The following PTN variants were observed in gnomAD, a reference collection of about 807,000 sequenced individuals.
PTN encodes the protein heparin affin regulatory protein.
PTN carries 18 observed loss-of-function variants against 24.1 expected under a neutral mutation model. The ratio of observed to expected loss-of-function variants is 0.75; its 90% confidence interval spans 0.52 to 1.11. The LOEUF is 1.11. PTN is among the 50% of genes least tolerant of loss of function. The pLI, the probability that PTN is intolerant of heterozygous loss-of-function variation, is 0.00. For missense variants in PTN, 163 were observed against 198.8 expected (o/e 0.82, Z 1.08); for synonymous variants, 78 against 68.6 (o/e 1.14, Z -0.67).
At chr7:137,263,016 C>T (rs1427156026) in intron 1 of PTN, among the ~76,000 whole-genome samples, 3 of 152,144 alleles carry the variant, frequency 2.0e-5, no homozygotes, top group South Asian at 2.1e-4. Context: ...CTTCGAGACT[C>T]TCACTTTTTA....
chr7:137,234,315 C>A (rs1287678844), intron 4 of PTN, among the ~76,000 whole-genome samples: 1 of 151,892 alleles, frequency 6.6e-6, no homozygotes, highest in Non-Finnish European at 1.5e-5. Flanking sequence ...TCATCGAATG[C>A]TTAAATTTTG....
At chr7:137,293,286 A>G (rs371506009) in intron 1 of PTN, among the ~76,000 whole-genome samples, 6 of 152,240 alleles carry the variant, frequency 3.9e-5, no homozygotes, top group Admixed American at 3.3e-4. Context: ...ACTACCTCCT[A>G]CTTCCTGACT....
At chr7:137,244,789 T>C (rs1808694858) in intron 4 of PTN, among the ~76,000 whole-genome samples, 1 of 152,098 alleles carries the variant, frequency 6.6e-6, no homozygotes, top group African/African-American at 2.4e-5. Flanking sequence ...TGTTCAACAT[T>C]GACATAGCAA....
chr7:137,244,079 A>G (rs1409894880), intron 4 of PTN, among the ~76,000 whole-genome samples: 2 of 152,154 alleles, frequency 1.3e-5, no homozygotes, highest in African/African-American at 4.8e-5. Flanking sequence ...AACTAATTTA[A>G]TTAATCTATA....
chr7:137,303,237 A>C (rs945159646), intron 1 of PTN, among the ~76,000 whole-genome samples: 7 of 151,980 alleles, frequency 4.6e-5, no homozygotes, highest in Non-Finnish European at 4.4e-5. Flanking sequence ...AGACCCAGCA[A>C]GAAAAAATTT....
chr7:137,331,716 AG>A, intron 1 of PTN, among the ~76,000 whole-genome samples: 1 of 152,318 alleles, frequency 6.6e-6, no homozygotes, highest in South Asian at 2.1e-4. Flanking sequence ...GGCTCTTGAG[AG>A]GAGCTAAGGG....
intron 1 of PTN, among the ~76,000 whole-genome samples, chr7:137,317,636 TTTTC>T (rs1170540903): frequency 3.9e-5 from 6 of 152,234 alleles, no homozygotes; most frequent in Admixed American, 1.3e-4. Flanking sequence ...CGTGTGTTTA[TTTTC>T]TTTCTGTCTC....
chr7:137,236,345 C>A, intron 4 of PTN: 1 of 689,992 alleles, frequency 1.4e-6, no homozygotes, highest in South Asian at 1.5e-5. Context: ...GGGAATCAGC[C>A]ACACATGAGC....
intron 1 of PTN, among the ~76,000 whole-genome samples, chr7:137,303,905 A>T (rs990730477): frequency 6.6e-6 from 1 of 152,038 alleles, no homozygotes; most frequent in African/African-American, 2.4e-5. Flanking sequence ...AATAAATTGC[A>T]TATGTTGCAT....
chr7:137,311,432 T>G (rs970680695), intron 1 of PTN, among the ~76,000 whole-genome samples: 1 of 152,174 alleles, frequency 6.6e-6, no homozygotes, highest in African/African-American at 2.4e-5. Flanking sequence ...CACCTTTCCT[T>G]TGCATTCACA....
At chr7:137,305,512 T>C (rs1809873016) in intron 1 of PTN, among the ~76,000 whole-genome samples, 1 of 152,120 alleles carries the variant, frequency 6.6e-6, no homozygotes, top group African/African-American at 2.4e-5. Context: ...TTCCCCTACT[T>C]CCTCACTGAC....
At chr7:137,335,181 C>T (rs1295354578) in intron 1 of PTN, among the ~76,000 whole-genome samples, 2 of 151,386 alleles carry the variant, frequency 1.3e-5, no homozygotes, top group Non-Finnish European at 2.9e-5. Context: ...TACCCTAAAA[C>T]TTAAAGTATA....
chr7:137,289,952 A>G (rs142342680), intron 1 of PTN, among the ~76,000 whole-genome samples: 1 of 152,310 alleles, frequency 6.6e-6, no homozygotes, highest in African/African-American at 2.4e-5. Context: ...TATATGGTGT[A>G]TTAGTCCATT....
At chr7:137,265,947 T>C (rs1285951435) in intron 1 of PTN, among the ~76,000 whole-genome samples, 1 of 152,246 alleles carries the variant, frequency 6.6e-6, no homozygotes, top group African/African-American at 2.4e-5. Context: ...CCATTTTACA[T>C]TTAACAATGC....
intron 3 of PTN, among the ~76,000 whole-genome samples, chr7:137,252,950 A>C (rs1808854328): frequency 6.6e-6 from 1 of 152,110 alleles, no homozygotes; most frequent in South Asian, 2.1e-4. Flanking sequence ...TTGGGGAGGG[A>C]TCAAATGGGA....
chr7:137,233,543 C>T (rs948155588), intron 4 of PTN, among the ~76,000 whole-genome samples: 2 of 151,926 alleles, frequency 1.3e-5, no homozygotes, highest in Non-Finnish European at 2.9e-5. Context: ...GCTGACATTA[C>T]AAACAACACT....
chr7:137,299,413 T>C (rs193243963), intron 1 of PTN, among the ~76,000 whole-genome samples: 138 of 151,682 alleles, frequency 9.1e-4, no homozygotes, highest in Non-Finnish European at 1.7e-3. Flanking sequence ...GGAAACTGAG[T>C]TTTAGAAAGA....
intron 1 of PTN, among the ~76,000 whole-genome samples, chr7:137,335,849 T>C (rs972609980): frequency 6.6e-6 from 1 of 152,034 alleles, no homozygotes; most frequent in African/African-American, 2.4e-5. Context: ...TTAAGACACT[T>C]CAGAAGGAAA....
chr7:137,331,222 A>T (rs1364613870), intron 1 of PTN, among the ~76,000 whole-genome samples: 1 of 152,182 alleles, frequency 6.6e-6, no homozygotes, highest in East Asian at 1.9e-4. Context: ...TTAGAGAGAA[A>T]TTGGTAGAAA....
Sources: gnomAD v4.1 joint callset for allele counts (sites outside exome capture counted in the v4.1 genomes callset) on GRCh38, gnomAD v4.1.1 for gene constraint, MANE v1.5 for transcripts, NCBI Gene and HGNC (gene_info 2026-07-23, HGNC 2026-07-21) for gene names.